PPFIA2: variants seen among roughly 807,000 people sequenced by gnomAD.
PPFIA2 encodes the protein liprin-alpha-2.
In PPFIA2, 46 loss-of-function variants were observed where a neutral mutation model predicts 175.5. That is an observed-to-expected ratio of 0.26 (90% CI 0.21 to 0.34). The LOEUF is 0.34. Among genes scored for constraint, PPFIA2 ranks in the 10% least tolerant of loss-of-function variants. PPFIA2 has a pLI of 1.00. For synonymous variants in PPFIA2, 568 were observed against 511.4 expected (o/e 1.11, Z -1.49); for missense variants, 1,179 against 1,506.1 (o/e 0.78, Z 3.60).
chr12:81,426,163 T>G (rs1397464875), intron 7 of PPFIA2, among the ~76,000 whole-genome samples: 8 of 152,184 alleles, frequency 5.3e-5, no homozygotes, highest in Admixed American at 1.3e-4. Flanking sequence ...TCGATCATGC[T>G]TATGTAATGA....
chr12:81,491,727 GCCACTCGGT>G (rs1453923985), intron 4 of PPFIA2, among the ~76,000 whole-genome samples: 3 of 151,918 alleles, frequency 2.0e-5, no homozygotes, highest in Non-Finnish European at 4.4e-5. Context: ...AGCTGTTTAA[GCCACTCGGT>G]CCATGGTATT....
intron 7 of PPFIA2, among the ~76,000 whole-genome samples, chr12:81,408,248 C>T (rs138302132): frequency 1.4e-4 from 21 of 152,150 alleles, no homozygotes; most frequent in African/African-American, 5.1e-4. Flanking sequence ...TAACTTATTG[C>T]TTTTTGCATA....
At chr12:81,697,830 C>T (rs949938690) in intron 3 of PPFIA2, among the ~76,000 whole-genome samples, 7 of 151,978 alleles carry the variant, frequency 4.6e-5, no homozygotes, top group African/African-American at 1.7e-4. Context: ...GAGTTGAATG[C>T]CTAGATGAAT....
rs147294860 is a variant in PPFIA2, at chr12:81,580,868, G to A, written c.303+95923C>T. Among the ~76,000 whole-genome samples, 23 of 151,908 alleles carry A rather than the reference G, an allele frequency of 1.5e-4. No homozygotes were observed. In the East Asian group the frequency reaches 3.7e-3, roughly 24 times the overall value. Reference sequence around the variant, plus strand: ...CCACAATTTGTTCACCTAAAAAAGTGTATTTTTTTCCTTAAGGAACTCACA... The same window carrying A: ...CCACAATTTGTTCACCTAAAAAAGTATATTTTTTTCCTTAAGGAACTCACA... On this transcript the variant is annotated intron_variant, in intron 4 of 32. Transcript: ENST00000549396.
At chr12:81,297,478 G>T (rs932472939) in intron 23 of PPFIA2, among the ~76,000 whole-genome samples, 3 of 152,140 alleles carry the variant, frequency 2.0e-5, no homozygotes, top group Admixed American at 2.0e-4. Context: ...GAGAAAAGAA[G>T]GGGAAGATCT....
intron 23 of PPFIA2, among the ~76,000 whole-genome samples, chr12:81,297,116 A>G (rs2046650546): frequency 6.6e-6 from 1 of 152,158 alleles, no homozygotes; most frequent in Admixed American, 6.5e-5. Flanking sequence ...GCCAACAGCC[A>G]GCAGGAAACT....
At chr12:81,695,132 T>C (rs1317876763) in intron 3 of PPFIA2, among the ~76,000 whole-genome samples, 3 of 152,100 alleles carry the variant, frequency 2.0e-5, no homozygotes, top group Non-Finnish European at 4.4e-5. Context: ...AACTTTTGAG[T>C]TTACACTGGA....
At chr12:81,699,713 T>C (rs547352876) in intron 3 of PPFIA2, among the ~76,000 whole-genome samples, 1 of 152,114 alleles carries the variant, frequency 6.6e-6, no homozygotes, top group Non-Finnish European at 1.5e-5. Context: ...ATCTCTATCA[T>C]ATAATATTAA....
chr12:81,687,492 C>G (rs2074590991), intron 3 of PPFIA2: 1 of 152,026 alleles, frequency 6.6e-6, no homozygotes, highest in African/African-American at 2.4e-5. Flanking sequence ...GTCCCTCAGA[C>G]CGAAGGGAGG....
In PPFIA2 at chr12:81,758,478, G is replaced by A; in HGVS notation, c.-81C>T. ...AGTCTCCGGCTTGAGGAGAAGGGAG[G>A]CTCACACCCAGCACTCCTGGACCAT... On this transcript the variant is annotated 5_prime_UTR_variant, in exon 2 of 33. Transcript: ENST00000549396. The A allele has an allele frequency of 2.2e-6, 1 of 456,396 alleles. No individual in the cohort carries two copies. Among genetic ancestry groups the A allele is most frequent in the Non-Finnish European group, 4.4e-6 (1 of 226,710 alleles). The allele number at this position is 456,396 out of a possible 1,614,324, so 28.3% of individuals were successfully genotyped here.
chr12:81,593,226 G>C (rs2058875904), intron 4 of PPFIA2, among the ~76,000 whole-genome samples: 1 of 152,064 alleles, frequency 6.6e-6, no homozygotes, highest in South Asian at 2.1e-4. Flanking sequence ...AAATGGTAAA[G>C]AGGTATTAAA....
At chr12:81,436,570 T>C (rs1209573849) in intron 7 of PPFIA2, among the ~76,000 whole-genome samples, 1 of 152,052 alleles carries the variant, frequency 6.6e-6, no homozygotes, top group African/African-American at 2.4e-5. Flanking sequence ...TTTTATCAGG[T>C]TTCTAAATAT....
At chr12:81,331,733 GT>G (rs1333825742) in intron 21 of PPFIA2, among the ~76,000 whole-genome samples, 4 of 151,976 alleles carry the variant, frequency 2.6e-5, no homozygotes, top group Non-Finnish European at 5.9e-5. Flanking sequence ...GTGCTTTTCT[GT>G]TTTCATTATT....
intron 4 of PPFIA2, among the ~76,000 whole-genome samples, chr12:81,599,413 A>G (rs2059575331): frequency 1.3e-5 from 2 of 152,006 alleles, no homozygotes; most frequent in Non-Finnish European, 2.9e-5. Context: ...TTTAGATGGG[A>G]CTCCTACATT....
chr12:81,561,680 G>A (rs1033880272), intron 4 of PPFIA2, among the ~76,000 whole-genome samples: 15 of 152,202 alleles, frequency 9.9e-5, no homozygotes, highest in Middle Eastern at 3.4e-3. Flanking sequence ...TTAAATTATA[G>A]CATAGGGTTC....
At chr12:81,675,817 G>C (rs1010082735) in intron 4 of PPFIA2, among the ~76,000 whole-genome samples, 1 of 151,964 alleles carries the variant, frequency 6.6e-6, no homozygotes, top group Non-Finnish European at 1.5e-5. Context: ...ACAAGCAGCT[G>C]TCTGCAGCCA....
At chr12:81,518,552 C>T (rs1419818807) in intron 4 of PPFIA2, among the ~76,000 whole-genome samples, 2 of 152,036 alleles carry the variant, frequency 1.3e-5, no homozygotes, top group East Asian at 1.9e-4. Context: ...TTACTGACAC[C>T]TTCACCTTTC....
chr12:81,679,664 T>C (rs1476333167), intron 3 of PPFIA2, among the ~76,000 whole-genome samples: 9 of 151,952 alleles, frequency 5.9e-5, no homozygotes, highest in Admixed American at 5.9e-4. Flanking sequence ...AGATGTATAT[T>C]CTTATCTCTA....
At chr12:81,654,317 C>T (rs984100476) in intron 4 of PPFIA2, among the ~76,000 whole-genome samples, 1 of 151,622 alleles carries the variant, frequency 6.6e-6, no homozygotes, top group South Asian at 2.1e-4. Context: ...CCAATATTAA[C>T]AAATGTAAAA....
Sources: allele counts gnomAD v4.1 joint callset (sites outside exome capture counted in the v4.1 genomes callset), GRCh38; gene constraint gnomAD v4.1.1; transcripts MANE v1.5; gene names NCBI Gene and HGNC (gene_info 2026-07-23, HGNC 2026-07-21).